The following SSH2 variants were observed in gnomAD, a reference collection of about 807,000 sequenced individuals.
SSH2 encodes the protein protein phosphatase Slingshot homolog 2.
In SSH2, 37 loss-of-function variants were observed where a neutral mutation model predicts 135.2. That is an observed-to-expected ratio of 0.27 (90% CI 0.21 to 0.36). The LOEUF is 0.36. Among genes scored for constraint, SSH2 ranks in the 10% least tolerant of loss-of-function variants. The pLI, the probability that SSH2 is intolerant of heterozygous loss-of-function variation, is 1.00. For synonymous variants in SSH2, 628 were observed against 646.2 expected, an observed-to-expected ratio of 0.97 and a Z score of 0.43; for missense variants, 1,408 against 1,765.3, an observed-to-expected ratio of 0.80 and a Z score of 3.63.
chr17:29,801,661 C>T (rs1169847894), intron 2 of SSH2, among the ~76,000 whole-genome samples: 1 of 152,180 alleles, frequency 6.6e-6, no homozygotes, highest in Non-Finnish European at 1.5e-5. Context: ...CAACTGGGTA[C>T]TTGTTTTATC....
At chr17:29,875,987 A>G (rs74707418) in intron 1 of SSH2, among the ~76,000 whole-genome samples, 1 of 150,266 alleles carries the variant, frequency 6.7e-6, no homozygotes, top group Non-Finnish European at 1.5e-5. Context: ...GGACACCAAA[A>G]AAAAAAAAAA....
At chr17:29,717,147 T>G (rs934341871) in intron 3 of SSH2, among the ~76,000 whole-genome samples, 7 of 152,138 alleles carry the variant, frequency 4.6e-5, no homozygotes, top group African/African-American at 1.7e-4. Flanking sequence ...TATTGACAAT[T>G]TTTTTGAAGC....
intron 3 of SSH2, among the ~76,000 whole-genome samples, chr17:29,757,170 G>A (rs1435317101): frequency 6.6e-6 from 1 of 152,308 alleles, no homozygotes; most frequent in East Asian, 1.9e-4. Flanking sequence ...ACTAGTTATT[G>A]CTATGTACCA....
At chr17:29,696,949 G>A (rs1026053692) in intron 4 of SSH2, among the ~76,000 whole-genome samples, 3 of 152,008 alleles carry the variant, frequency 2.0e-5, no homozygotes, top group African/African-American at 7.2e-5. Context: ...CTCCCAAAGT[G>A]CTGGGATTAC....
intron 6 of SSH2, among the ~76,000 whole-genome samples, chr17:29,679,042 G>A (rs568791016): frequency 1.3e-5 from 2 of 152,168 alleles, no homozygotes; most frequent in African/African-American, 4.8e-5. Context: ...TCTCACATTA[G>A]CCCAGGAAGG....
intron 14 of SSH2, chr17:29,643,057 C>T (rs1460668524): frequency 1.1e-6 from 1 of 891,316 alleles, no homozygotes; most frequent in African/African-American, 1.8e-5. Context: ...ACTTTCTCTG[C>T]AAACAATGAG....
intron 4 of SSH2, among the ~76,000 whole-genome samples, chr17:29,699,866 C>T (rs1415837261): frequency 6.6e-6 from 1 of 152,162 alleles, no homozygotes; most frequent in East Asian, 1.9e-4. Context: ...TGGTACTGGG[C>T]ACTGGGGAGG....
chr17:29,708,984 T>C (rs1362041587), intron 3 of SSH2, among the ~76,000 whole-genome samples: 1 of 94,024 alleles, frequency 1.1e-5, no homozygotes, highest in East Asian at 3.8e-4. Context: ...AAGTCATCCC[T>C]AGTTAAGAAA....
chr17:29,773,044 TCCATCCATCCATCCATCATCCAC>T (rs956196831), intron 3 of SSH2, among the ~76,000 whole-genome samples: 6 of 151,314 alleles, frequency 4.0e-5, no homozygotes, highest in African/African-American at 7.3e-5. Context: ...CATCCATCCA[TCCATCCATCCATCCATCATCCAC>T]CCATCCATCC....
At chr17:29,687,221 C>T (rs1327445841) in intron 5 of SSH2, among the ~76,000 whole-genome samples, 2 of 152,134 alleles carry the variant, frequency 1.3e-5, no homozygotes, top group Non-Finnish European at 1.5e-5. Flanking sequence ...GCTCAAATGA[C>T]CCATTTAGCA....
rs1183060943 is a variant in SSH2 at position 29,629,904 on chromosome 17, G to C, written c.*937C>G. The stretch of plus-strand genomic sequence containing the variant: ...TCAGAAGGCCCAAAGAATTATTCAA[G>C]TAATGGAAGGGTTAAAACCCTACAT... On this transcript the variant is annotated 3_prime_UTR_variant, in exon 16 of 16. Coordinates refer to ENST00000540801, the MANE Select transcript of SSH2 (RefSeq NM_001282129.2). 1.3e-5 allele frequency: 2 copies of C among 152,642 alleles called. No individual in the cohort carries two copies. The highest frequency in any genetic ancestry group is 4.8e-5 in the African/African-American group (2 of 41,458). 9.5% of individuals were successfully genotyped at this position (152,642 alleles called of 1,614,324 possible).
At chr17:29,656,900 G>A (rs1420402191) in intron 11 of SSH2, among the ~76,000 whole-genome samples, 4 of 152,108 alleles carry the variant, frequency 2.6e-5, no homozygotes, top group Admixed American at 6.5e-5. Context: ...TTCTACAAAT[G>A]TCCCCAAAAT....
intron 14 of SSH2, 84 bp downstream of exon 14, chr17:29,648,060 T>G: frequency 1.7e-5 from 21 of 1,264,208 alleles, no homozygotes; most frequent in Non-Finnish European, 2.1e-5. Flanking sequence ...CAAATCAGCT[T>G]GAGAAGTAGC....
In SSH2 at chr17:29,631,746, G is replaced by A. The variant is rs1341132946; in HGVS notation, c.3448C>T (p.His1150Tyr). ...TAAPFVSHTT[H>Y]LLSASLDYLH... ...TAATCCAAACTGGCAGACAGTAAAT[G>A]GGTTGTATGACTGACAAAAGGTGCT... The change falls in exon 16 of 16, where the codon CAT becomes TAT. Residue 1150 changes from histidine to tyrosine, a missense_variant. This residue lies in a region of SSH2 where 1,080 missense variants were observed against 1,144.5 expected (regional missense o/e 0.94). Coordinates refer to ENST00000540801, the MANE Select transcript of SSH2 (RefSeq NM_001282129.2). 1 of 1,614,176 alleles carries A rather than the reference G, an allele frequency of 6.2e-7. No individual in the cohort carries two copies. Among genetic ancestry groups the A allele is most frequent in the Non-Finnish European group, 8.5e-7 (1 of 1,180,034 alleles).
chr17:29,671,732 C>T (rs1567862319), intron 9 of SSH2, among the ~76,000 whole-genome samples: 1 of 152,110 alleles, frequency 6.6e-6, no homozygotes, highest in Non-Finnish European at 1.5e-5. Flanking sequence ...TCTATTGTGC[C>T]TTGGGGTGAA....
At chr17:29,673,854 T>C (rs1439178839) in intron 8 of SSH2, 1 of 308,916 alleles carries the variant, frequency 3.2e-6, no homozygotes, top group Admixed American at 4.1e-5. Flanking sequence ...TTCAACTGGA[T>C]CATTTTTAAT....
intron 2 of SSH2, among the ~76,000 whole-genome samples, chr17:29,823,197 G>A (rs998566776): frequency 3.9e-5 from 6 of 152,014 alleles, no homozygotes; most frequent in African/African-American, 1.5e-4. Flanking sequence ...TGTCTTTGAG[G>A]AGTTTCATGT....
chr17:29,809,992 A>C (rs1404278845), intron 2 of SSH2, among the ~76,000 whole-genome samples: 2 of 152,118 alleles, frequency 1.3e-5, no homozygotes, highest in Non-Finnish European at 2.9e-5. Flanking sequence ...CAATTCTCAC[A>C]CTGCCTGTTT....
At chr17:29,743,960 T>C (rs920779155) in intron 3 of SSH2, among the ~76,000 whole-genome samples, 7 of 148,200 alleles carry the variant, frequency 4.7e-5, no homozygotes, top group African/African-American at 7.5e-5. Context: ...ATTTGGTCCA[T>C]TGGAGCCTGA....
Sources: gnomAD v4.1 joint callset for allele counts (sites outside exome capture counted in the v4.1 genomes callset) on GRCh38, gnomAD v4.1.1 for gene constraint, gnomAD v4.1.1 regional missense constraint, MANE v1.5 for transcripts, NCBI Gene and HGNC (gene_info 2026-07-23, HGNC 2026-07-21) for gene names.